Variants in XYLT1 observed in about 807,000 individuals in gnomAD.
The protein encoded by XYLT1 is xylosyltransferase 1.
A neutral mutation model predicts 91.3 loss-of-function variants in XYLT1; 36 were observed. The ratio of observed to expected loss-of-function variants is 0.39; its 90% confidence interval spans 0.30 to 0.52. The LOEUF (loss-of-function observed/expected upper bound fraction) is 0.52. XYLT1 is among the 20% of genes least tolerant of loss of function. XYLT1 has a pLI of 0.68. For synonymous variants in XYLT1, 588 were observed against 532.0 expected, an observed-to-expected ratio of 1.11 and a Z score of -1.45; for missense variants, 1,242 against 1,284.5, an observed-to-expected ratio of 0.97 and a Z score of 0.51.
chr16:17,136,766 C>G (rs1423631969), intron 8 of XYLT1, among the ~76,000 whole-genome samples: 1 of 152,108 alleles, frequency 6.6e-6, no homozygotes, highest in African/African-American at 2.4e-5. Flanking sequence ...TGTCTTGACT[C>G]TAGATCTTGG....
intron 3 of XYLT1, among the ~76,000 whole-genome samples, chr16:17,218,353 C>A (rs148268021): frequency 2.8e-5 from 4 of 142,202 alleles, no homozygotes; most frequent in African/African-American, 4.9e-5. Context: ...GGGAGTAGTG[C>A]GGACTTTTGT....
intron 3 of XYLT1, among the ~76,000 whole-genome samples, chr16:17,224,287 C>A (rs1197875492): frequency 6.6e-6 from 1 of 152,158 alleles, no homozygotes; most frequent in Non-Finnish European, 1.5e-5. Flanking sequence ...ATTTACAAAG[C>A]CTAAACTTTC....
chr16:17,151,995 G>A (rs1053933003), intron 6 of XYLT1, among the ~76,000 whole-genome samples: 3 of 152,178 alleles, frequency 2.0e-5, no homozygotes, highest in African/African-American at 7.2e-5. Flanking sequence ...AGCTTGCATC[G>A]CCAAGCGTCT....
chr16:17,300,540 G>A (rs2034380470), intron 2 of XYLT1, among the ~76,000 whole-genome samples: 1 of 128,136 alleles, frequency 7.8e-6, no homozygotes, highest in Admixed American at 1.0e-4. Context: ...CACTGAAACT[G>A]CTGCCTCCTG....
At chr16:17,209,879 G>A (rs376197770) in intron 3 of XYLT1, among the ~76,000 whole-genome samples, 4 of 152,166 alleles carry the variant, frequency 2.6e-5, no homozygotes, top group African/African-American at 7.2e-5. Flanking sequence ...GGACTATAGC[G>A]ATTGTGGTTT....
chr16:17,110,102 C>T (rs1334947552), intron 11 of XYLT1, among the ~76,000 whole-genome samples: 2 of 152,174 alleles, frequency 1.3e-5, no homozygotes, highest in East Asian at 1.9e-4. Flanking sequence ...TCCAACATAC[C>T]AGGTGTGTGA....
intron 10 of XYLT1, among the ~76,000 whole-genome samples, chr16:17,127,194 A>G (rs1164748817): frequency 6.6e-6 from 1 of 152,176 alleles, no homozygotes; most frequent in Non-Finnish European, 1.5e-5. Flanking sequence ...TCAGTGATTG[A>G]TCTGGTACTT....
chr16:17,240,152 C>T (rs1036785485), intron 3 of XYLT1, among the ~76,000 whole-genome samples: 1 of 152,198 alleles, frequency 6.6e-6, no homozygotes, highest in African/African-American at 2.4e-5. Flanking sequence ...ATCCAAGGAA[C>T]TGCATGAATT....
At position 17,391,347 on chromosome 16, in the gene XYLT1, T is replaced by C. The variant is rs946935652; in HGVS notation, c.364-33297A>G. 3.3e-5 allele frequency among the ~76,000 whole-genome samples: 5 copies of C among 152,154 alleles called. No homozygotes were observed. In the East Asian group the frequency reaches 7.7e-4, roughly 23 times the overall value. ...GACCATTTTCCACCCACCCCTGTGA[T>C]TGCATCCCCAACCAACCAGCAGCAC... On this transcript the variant is annotated intron_variant, in intron 1 of 11. Transcript: ENST00000261381.
chr16:17,315,025 G>A (rs1230608875), intron 2 of XYLT1, among the ~76,000 whole-genome samples: 2 of 152,282 alleles, frequency 1.3e-5, no homozygotes, highest in Admixed American at 1.3e-4. Context: ...CGGGTTATTC[G>A]CAGAGTCAAG....
At chr16:17,464,003 T>C (rs9936337) in intron 1 of XYLT1, among the ~76,000 whole-genome samples, 83,050 of 151,986 alleles carry the variant, frequency 0.55, 23,918 homozygotes, top group East Asian at 0.85. Flanking sequence ...AAATATCACA[T>C]GTTCTCACTC....
At chr16:17,342,677 G>A (rs1343366145) in intron 2 of XYLT1, among the ~76,000 whole-genome samples, 6 of 151,928 alleles carry the variant, frequency 3.9e-5, no homozygotes, top group East Asian at 1.9e-4. Context: ...AGCCGAGATC[G>A]CACCATTGCA....
chr16:17,311,905 A>C (rs1187163743), intron 2 of XYLT1, among the ~76,000 whole-genome samples: 2 of 150,396 alleles, frequency 1.3e-5, no homozygotes, highest in South Asian at 2.1e-4. Context: ...CATGAGACTT[A>C]TTCACTACAA....
intron 1 of XYLT1, among the ~76,000 whole-genome samples, chr16:17,466,594 C>A (rs772814121): frequency 6.6e-6 from 1 of 152,112 alleles, no homozygotes; most frequent in Non-Finnish European, 1.5e-5. Flanking sequence ...AAATAGCAAG[C>A]CTTTGACCAC....
At chr16:17,260,998 C>T (rs1403757355) in intron 2 of XYLT1, among the ~76,000 whole-genome samples, 6 of 152,030 alleles carry the variant, frequency 3.9e-5, no homozygotes, top group African/African-American at 1.4e-4. Flanking sequence ...CTTTGGGAGG[C>T]CGAGGCAGGT....
intron 5 of XYLT1, among the ~76,000 whole-genome samples, chr16:17,185,307 C>T (rs1355907969): frequency 2.0e-5 from 3 of 152,252 alleles, no homozygotes; most frequent in African/African-American, 7.2e-5. Flanking sequence ...GGCATAATTA[C>T]TGGCATGTTT....
intron 1 of XYLT1, among the ~76,000 whole-genome samples, chr16:17,447,398 C>A (rs2036606544): frequency 6.6e-6 from 1 of 152,210 alleles, no homozygotes; most frequent in Non-Finnish European, 1.5e-5. Flanking sequence ...AGGACTCAAG[C>A]ATTCTAGACC....
intron 1 of XYLT1, among the ~76,000 whole-genome samples, chr16:17,424,949 C>A (rs2036296691): frequency 6.6e-6 from 1 of 152,078 alleles, no homozygotes; most frequent in South Asian, 2.1e-4. Flanking sequence ...TCACCACCAC[C>A]TGGCACATTT....
chr16:17,201,561 A>G (rs2032542820), intron 3 of XYLT1, among the ~76,000 whole-genome samples: 1 of 147,090 alleles, frequency 6.8e-6, no homozygotes, highest in Non-Finnish European at 1.5e-5. Context: ...TGCAACCTCC[A>G]CCTCTCAGGT....
Sources: gnomAD v4.1 joint callset for allele counts (sites outside exome capture counted in the v4.1 genomes callset) on GRCh38, gnomAD v4.1.1 for gene constraint, MANE v1.5 for transcripts, NCBI Gene and HGNC (gene_info 2026-07-23, HGNC 2026-07-21) for gene names.